The following GLDC variants were observed in gnomAD, a reference collection of about 807,000 sequenced individuals.
The protein encoded by GLDC is glycine dehydrogenase (decarboxylating), mitochondrial.
Under a neutral mutation model 121.3 loss-of-function variants are expected in GLDC, and 104 were observed. The observed-to-expected ratio is 0.86, with a 90% CI of 0.73 to 1.01. The LOEUF is 1.01. Among genes scored for constraint, GLDC ranks in the 50% least tolerant of loss-of-function variants. The pLI, the probability that GLDC is intolerant of heterozygous loss-of-function variation, is 0.00. For missense variants in GLDC, 1,429 were observed against 1,306.6 expected (o/e 1.09, Z -1.44); for synonymous variants, 546 against 480.6 (o/e 1.14, Z -1.78).
chr9:6,554,904 A>C (rs1360871683), intron 18 of GLDC, 123 bp from the exon 19 acceptor site: 1 of 750,720 alleles, frequency 1.3e-6, no homozygotes, highest in African/African-American at 1.7e-5. Context: ...AGCCACATCC[A>C]TGGTGTTCAC....
chr9:6,567,858 C>T (rs141188250), intron 15 of GLDC, among the ~76,000 whole-genome samples: 1 of 152,194 alleles, frequency 6.6e-6, no homozygotes, highest in Non-Finnish European at 1.5e-5. Flanking sequence ...GTCTAATTCT[C>T]AGAGTTCTGT....
chr9:6,614,505 G>C (rs1818929530), intron 3 of GLDC, among the ~76,000 whole-genome samples: 1 of 151,608 alleles, frequency 6.6e-6, no homozygotes, highest in Admixed American at 6.6e-5. Flanking sequence ...AAAATGTTGG[G>C]AATACAGGCG....
chr9:6,633,587 C>T (rs1415484750), intron 2 of GLDC, among the ~76,000 whole-genome samples: 1 of 152,050 alleles, frequency 6.6e-6, no homozygotes, highest in Non-Finnish European at 1.5e-5. Context: ...CTGACAGCCT[C>T]ATCTCCTGCC....
rs570986033 is a variant in GLDC, at chr9:6,635,072, A to T, written c.334+9542T>A. On this transcript the variant is annotated intron_variant, in intron 2 of 24. Coordinates refer to ENST00000321612, the MANE Select transcript of GLDC (RefSeq NM_000170.3). ...CCCTCAAATAACCACGTATTTCCAC[A>T]CTTCCATGCCTCTGCTCATGCCATA... Among the ~76,000 whole-genome samples, 172 of 152,242 alleles carry T rather than the reference A, an allele frequency of 1.1e-3. 1 individual carries two copies. The highest frequency in any genetic ancestry group is 2.0e-3 in the Non-Finnish European group (137 of 68,014).
intron 2 of GLDC, among the ~76,000 whole-genome samples, chr9:6,630,864 C>T (rs116217696): frequency 1.3e-5 from 2 of 152,176 alleles, no homozygotes; most frequent in Non-Finnish European, 2.9e-5. Flanking sequence ...TTCTCTCCCC[C>T]ATAGCCACCT....
intron 2 of GLDC, among the ~76,000 whole-genome samples, chr9:6,624,662 A>G (rs1303939640): frequency 6.6e-6 from 1 of 152,168 alleles, no homozygotes; most frequent in East Asian, 1.9e-4. Flanking sequence ...GAGACACGAT[A>G]ATACTCTTGG....
chr9:6,632,200 T>A (rs563658480), intron 2 of GLDC, among the ~76,000 whole-genome samples: 1 of 152,300 alleles, frequency 6.6e-6, no homozygotes, highest in East Asian at 1.9e-4. Context: ...AACTTTCACG[T>A]ATGGCTAGCC....
At chr9:6,618,697 G>A (rs1819014459) in intron 3 of GLDC, among the ~76,000 whole-genome samples, 1 of 152,180 alleles carries the variant, frequency 6.6e-6, no homozygotes, top group African/African-American at 2.4e-5. Context: ...AAATGCAGGA[G>A]AAATGCTTTC....
intron 15 of GLDC, among the ~76,000 whole-genome samples, chr9:6,578,677 C>T (rs1465629662): frequency 6.6e-6 from 1 of 152,044 alleles, no homozygotes; most frequent in African/African-American, 2.4e-5. Flanking sequence ...GTAGCTGGGA[C>T]CACAGGTGCT....
rs548753986 is a variant in GLDC at position 6,553,821 on chromosome 9, C to A, written c.2316-312G>T. Among the ~76,000 whole-genome samples the A allele has an allele frequency of 2.0e-5, 3 of 152,252 alleles. No homozygotes were observed. In the East Asian group the frequency reaches 5.8e-4, roughly 29 times the overall value. On this transcript the variant is annotated intron_variant, in intron 19 of 24. Transcript: ENST00000321612. ...TCCCACTCCCAGCCCCATTCCCTCA[C>A]CCCTATACACTTTCCCAAGATGGAC...
At chr9:6,629,573 A>G (rs1204415973) in intron 2 of GLDC, among the ~76,000 whole-genome samples, 1 of 151,256 alleles carries the variant, frequency 6.6e-6, no homozygotes. Context: ...TAAAATGGAC[A>G]GGCAATCTGT....
chr9:6,645,633 T>C lies in GLDC; in HGVS notation c.-134A>G, dbSNP rs1819733064. ...TTCGCTGGACAGTCGGCCGGACAGA[T>C]GGATGGACGCTCGCGGGCAATGAAT... On this transcript the variant is annotated 5_prime_UTR_variant, in exon 1 of 25. Coordinates refer to ENST00000321612, the MANE Select transcript of GLDC (RefSeq NM_000170.3). 6 of 520,876 alleles carry C rather than the reference T, an allele frequency of 1.2e-5. No homozygotes were observed. Among genetic ancestry groups the C allele is most frequent in the Admixed American group, 4.9e-5 (1 of 20,410 alleles). The allele number at this position is 520,876 out of a possible 1,614,324, so 32.3% of individuals were successfully genotyped here. A position where few individuals can be genotyped will look rare whatever the true frequency, so the allele number is the denominator to read the frequency against.
chr9:6,607,465 C>T (rs1174506692), intron 4 of GLDC, among the ~76,000 whole-genome samples: 1 of 151,928 alleles, frequency 6.6e-6, no homozygotes, highest in African/African-American at 2.4e-5. Flanking sequence ...CGCCTGTAAT[C>T]CCACTACTCG....
intron 3 of GLDC, among the ~76,000 whole-genome samples, chr9:6,615,573 C>A (rs1225937725): frequency 6.9e-6 from 1 of 145,208 alleles, no homozygotes; most frequent in Non-Finnish European, 1.5e-5. Flanking sequence ...CAGACGGAGA[C>A]CTTGTCTTAA....
intron 11 of GLDC, among the ~76,000 whole-genome samples, chr9:6,590,231 C>T (rs576462741): frequency 6.6e-6 from 1 of 152,018 alleles, no homozygotes; most frequent in Non-Finnish European, 1.5e-5. Flanking sequence ...AGTTAAGAGA[C>T]TGACTACCCA....
At chr9:6,596,746 A>G (rs1006334705) in intron 8 of GLDC, among the ~76,000 whole-genome samples, 1 of 152,248 alleles carries the variant, frequency 6.6e-6, no homozygotes, top group African/African-American at 2.4e-5. Flanking sequence ...AGTAACAAGC[A>G]TTGGTGAAAA....
At chr9:6,594,841 GAGAA>G (rs1031218922) in intron 9 of GLDC, among the ~76,000 whole-genome samples, 169 bp downstream of exon 9, 6 of 151,224 alleles carry the variant, frequency 4.0e-5, no homozygotes, top group Non-Finnish European at 7.4e-5. Flanking sequence ...GAAAAAGAAA[GAGAA>G]AGAAAGAAAG....
Position 6,577,812 on chromosome 9 carries a change from T to C in GLDC, c.1850+9329A>G, listed in dbSNP as rs1001796492. Among the ~76,000 whole-genome samples the C allele has an allele frequency of 2.2e-5, 3 of 136,904 alleles. No individual in the cohort carries two copies. The East Asian group carries it at 5.8e-4, about 27-fold the overall frequency. The allele number at this position is 136,904 out of a possible 152,430, so 89.8% of individuals were successfully genotyped here. ...TCTCCTGCTCCCCATCTCTACGTTA[T>C]TGATTTTTTTTTGCTCGAATCCTGA... On this transcript the variant is annotated intron_variant, in intron 15 of 24. Coordinates refer to ENST00000321612, the MANE Select transcript of GLDC (RefSeq NM_000170.3).
chr9:6,592,415 GT>G (rs1259931109), intron 10 of GLDC, among the ~76,000 whole-genome samples, 192 bp from the exon 11 acceptor site: 2 of 152,228 alleles, frequency 1.3e-5, no homozygotes, highest in African/African-American at 4.8e-5. Context: ...AAGGCTTCGA[GT>G]TTTGCCAGCC....
Sources: allele counts gnomAD v4.1 joint callset (sites outside exome capture counted in the v4.1 genomes callset), GRCh38; gene constraint gnomAD v4.1.1; transcripts MANE v1.5; gene names NCBI Gene and HGNC (gene_info 2026-07-23, HGNC 2026-07-21).